HORMAD2: variants seen among roughly 807,000 people sequenced by gnomAD.
HORMAD2 encodes the protein HORMA domain-containing protein 2.
Under a neutral mutation model 38.8 loss-of-function variants are expected in HORMAD2, and 45 were observed. That is an observed-to-expected ratio of 1.16 (90% CI 0.91 to 1.49). The LOEUF (loss-of-function observed/expected upper bound fraction) is 1.49. HORMAD2 is among the 40% of genes most tolerant of loss of function. The pLI, the probability that HORMAD2 is intolerant of heterozygous loss-of-function variation, is 0.00. For missense variants in HORMAD2, 338 were observed against 367.0 expected (o/e 0.92, Z 0.65); for synonymous variants, 126 against 122.8 (o/e 1.03, Z -0.17).
At chr22:30,153,794 A>G (rs1924902995) in intron 10 of HORMAD2, among the ~76,000 whole-genome samples, 1 of 152,182 alleles carries the variant, frequency 6.6e-6, no homozygotes, top group Non-Finnish European at 1.5e-5. Context: ...TCAAACCTAA[A>G]AGCCATCTTT....
chr22:30,101,929 A>T (rs947326567), intron 3 of HORMAD2, among the ~76,000 whole-genome samples: 23 of 152,070 alleles, frequency 1.5e-4, no homozygotes, highest in African/African-American at 5.6e-4. Context: ...TTAGCTGGCC[A>T]TGGTGGTGAG....
chr22:30,154,634 A>G (rs1393546355), intron 10 of HORMAD2, among the ~76,000 whole-genome samples: 1 of 152,230 alleles, frequency 6.6e-6, no homozygotes, highest in Non-Finnish European at 1.5e-5. Context: ...CTTAGCTTGG[A>G]ACAGGTCCTC....
intron 1 of HORMAD2, among the ~76,000 whole-genome samples, chr22:30,082,895 A>G (rs565364061): frequency 4.6e-5 from 7 of 152,320 alleles, no homozygotes; most frequent in African/African-American, 1.7e-4. Flanking sequence ...CCTAGAGTGA[A>G]TCTTTACCAG....
At chr22:30,106,220 AG>A (rs1230700455) in intron 5 of HORMAD2, among the ~76,000 whole-genome samples, 1 of 152,164 alleles carries the variant, frequency 6.6e-6, no homozygotes, top group Non-Finnish European at 1.5e-5. Context: ...CATGTTGGCT[AG>A]GCTTCTCTCG....
chr22:30,111,366 A>G (rs1038106634), intron 5 of HORMAD2, among the ~76,000 whole-genome samples: 2 of 151,954 alleles, frequency 1.3e-5, no homozygotes, highest in African/African-American at 2.4e-5. Flanking sequence ...GGCATCTGTA[A>G]TCGCAGCTAC....
downstream of HORMAD2, among the ~76,000 whole-genome samples, chr22:30,178,498 C>T (rs1263153841): frequency 6.6e-6 from 1 of 152,230 alleles, no homozygotes; most frequent in Non-Finnish European, 1.5e-5. Flanking sequence ...TGATTTTACA[C>T]AGCAGAGCTC....
the HORMAD2 span, among the ~76,000 whole-genome samples, chr22:30,200,399 A>G: frequency 2.0e-3 from 308 of 152,278 alleles, 1 homozygote; most frequent in African/African-American, 7.2e-3. Flanking sequence ...AGTGTTCTTT[A>G]TCAAGATCCC....
At chr22:30,100,843 C>T (rs897844558) in intron 3 of HORMAD2, among the ~76,000 whole-genome samples, 1 of 152,098 alleles carries the variant, frequency 6.6e-6, no homozygotes, top group Non-Finnish European at 1.5e-5. Context: ...AGCTCATCAT[C>T]ACTGGTCGTT....
At chr22:30,102,992 T>C (rs1569087148) in intron 3 of HORMAD2, among the ~76,000 whole-genome samples, 1 of 152,176 alleles carries the variant, frequency 6.6e-6, no homozygotes, top group Non-Finnish European at 1.5e-5. Flanking sequence ...AGATTTCGGA[T>C]AAAATAAATA....
chr22:30,161,925 ATT>A (rs1925465191), intron 10 of HORMAD2, among the ~76,000 whole-genome samples: 1 of 152,204 alleles, frequency 6.6e-6, no homozygotes, highest in African/African-American at 2.4e-5. Context: ...TTTAAGTTTA[ATT>A]ATATTTAATA....
intron 7 of HORMAD2, among the ~76,000 whole-genome samples, chr22:30,118,222 T>C (rs1371846119): frequency 2.6e-5 from 4 of 152,164 alleles, no homozygotes; most frequent in Non-Finnish European, 4.4e-5. Context: ...TATCACCTCA[T>C]TTCCTGGGTT....
In HORMAD2 at chr22:30,098,875, C is replaced by A. The variant is rs1920926196; in HGVS notation, c.75C>A (p.Ile25=). The A allele has an allele frequency of 6.2e-7, 1 of 1,611,848 alleles. No homozygotes were observed. The highest frequency in any genetic ancestry group is 1.3e-5 in the African/African-American group (1 of 74,836). The change falls in exon 3 of 11, where the codon ATC becomes ATA. Residue 25 remains isoleucine (I), a synonymous_variant. Transcript: ENST00000336726. The stretch of plus-strand genomic sequence containing the variant: ...AGGAAACAGTTTTCCCATCCCAAAT[C>A]ACTAATGAGCATGAGTCATTGAAAA... ...ASKETVFPSQ[I]TNEHESLKMV...
chr22:30,180,421 C>A (rs1926650042), downstream of HORMAD2, among the ~76,000 whole-genome samples: 1 of 152,204 alleles, frequency 6.6e-6, no homozygotes, highest in African/African-American at 2.4e-5. Context: ...AAGTCTGGAG[C>A]ATCTAGGTTC....
chr22:30,104,373 T>C, intron 4 of HORMAD2, 28 bp from the exon 5 acceptor site: 2 of 1,599,220 alleles, frequency 1.3e-6, no homozygotes, highest in South Asian at 1.1e-5. Context: ...TATGGTCCAA[T>C]TGACATCAAA....
intron 1 of HORMAD2, among the ~76,000 whole-genome samples, chr22:30,091,367 T>G (rs1186255770): frequency 2.0e-5 from 3 of 150,690 alleles, no homozygotes; most frequent in Non-Finnish European, 4.4e-5. Flanking sequence ...ACTCCTGGGC[T>G]CAAGTAGTCC....
In HORMAD2 at chr22:30,176,083, GT is replaced by G. The variant is rs1926440831; in HGVS notation, c.841del (p.Cys281AlafsTer19). The G allele has an allele frequency of 6.2e-7, 1 of 1,612,626 alleles. No individual in the cohort carries two copies. The highest frequency in any genetic ancestry group is 8.5e-7 in the Non-Finnish European group (1 of 1,178,852). Reference sequence around the variant, plus strand: ...CACAGATTCAAAGAATGAATTTTGTGTGCAGTCAGCAAAGTTCTGAGTGCTC... The same window carrying G: ...CACAGATTCAAAGAATGAATTTTGTGGCAGTCAGCAAAGTTCTGAGTGCTC... ...NDHIQRMNFV[C>X]SQQSSECSRK... On this transcript the variant is annotated frameshift_variant, in exon 11 of 11. Transcript: ENST00000336726. LOFTEE classifies it high-confidence loss of function.
At chr22:30,157,137 T>C (rs1411007943) in intron 10 of HORMAD2, among the ~76,000 whole-genome samples, 1 of 152,158 alleles carries the variant, frequency 6.6e-6, no homozygotes, top group African/African-American at 2.4e-5. Flanking sequence ...CTGTATCCTC[T>C]TGGAGACCAT....
chr22:30,081,604 G>A (rs1036157314), intron 1 of HORMAD2, among the ~76,000 whole-genome samples: 3 of 151,152 alleles, frequency 2.0e-5, no homozygotes, highest in African/African-American at 7.3e-5. Context: ...GTGAGATGGA[G>A]TCGAGCTCTG....
the HORMAD2 span, among the ~76,000 whole-genome samples, chr22:30,202,048 C>G: frequency 6.6e-6 from 1 of 152,142 alleles, no homozygotes; most frequent in Non-Finnish European, 1.5e-5. Context: ...AATTTTGGCT[C>G]AAGATCCAAA....
Sources: allele counts gnomAD v4.1 joint callset (sites outside exome capture counted in the v4.1 genomes callset), GRCh38; gene constraint gnomAD v4.1.1; transcripts MANE v1.5; gene names NCBI Gene and HGNC (gene_info 2026-07-23, HGNC 2026-07-21).